Variants in MUC5B observed in about 807,000 individuals in gnomAD.
MUC5B encodes the protein mucin 5B, oligomeric mucus/gel-forming, also known as mucin-5B.
In MUC5B, 116 loss-of-function variants were observed where a neutral mutation model predicts 376.9. The ratio of observed to expected loss-of-function variants is 0.31; its 90% CI spans 0.26 to 0.36. The LOEUF is 0.36. Among genes scored for constraint, MUC5B ranks in the 10% least tolerant of loss-of-function variants. MUC5B has a pLI of 1.00. For synonymous variants in MUC5B, 3,517 were observed against 3,390.9 expected (o/e 1.04, Z -1.29); for missense variants, 7,165 against 7,769.9 (o/e 0.92, Z 2.93).
In MUC5B at chr11:1,251,720, C is replaced by T. The variant is rs746590132; in HGVS notation, c.14840C>T (p.Ala4947Val). 1.1e-5 allele frequency: 18 copies of T among 1,603,582 alleles called. No individual in the cohort carries two copies. The highest frequency in any genetic ancestry group is 1.4e-5 in the Non-Finnish European group (17 of 1,172,916). The part of the protein sequence containing the change: ...SHFSTPCFCR[A>V]FGQFFSPGEV... The stretch of plus-strand genomic sequence containing the variant: ...TTCTCTACTCCCTGCTTCTGCAGGG[C>T]ATTTGGACAGTTTTTCTCGCCCGGT... The change falls in exon 31 of 49, where the codon GCA becomes GTA. Residue 4947 changes from alanine to valine, a missense_variant. This residue lies in a region of MUC5B where 730 missense variants were observed against 592.7 expected (regional missense o/e 1.23). Transcript: ENST00000529681.
chr11:1,236,529 C>T lies in MUC5B; in HGVS notation c.3024C>T (p.Thr1008=). 1.2e-6 allele frequency: 2 copies of T among 1,612,992 alleles called. No individual in the cohort carries two copies. Among genetic ancestry groups the T allele is most frequent in the Non-Finnish European group, 1.7e-6 (2 of 1,179,820 alleles). The change falls in exon 24 of 49, where the codon ACC becomes ACT. Residue 1008 remains threonine, a synonymous_variant. Coordinates refer to ENST00000529681, the MANE Select transcript of MUC5B (RefSeq NM_002458.3). The part of the protein sequence containing the change: ...HGMAVSWDRK[T]SVFIRLHQDY... ...TGGCCGTGTCCTGGGACCGGAAGAC[C>T]AGCGTGTTCATCCGACTGCACCAGG...
Position 1,249,780 on chromosome 11 carries a change from C to T in MUC5B, c.12900C>T (p.Ser4300=), listed in dbSNP as rs1590186872. 3.7e-6 allele frequency: 6 copies of T among 1,613,304 alleles called. No homozygotes were observed. In the African/African-American group the frequency reaches 4.0e-5, roughly 11 times the overall value. ...CCAGTTCCAAAGCCACTTCCTCCTC[C>T]AGTCCAAGGACTGCAACCACCCTTC... ...TATSSKATSS[S]SPRTATTLPV... is the part of the protein sequence containing the mutation. The change falls in exon 31 of 49, where the codon TCC becomes TCT. Residue 4300 remains serine (S), a synonymous_variant. Transcript: ENST00000529681.
chr11:1,233,732 CG>C, intron 18 of MUC5B, 60 bp from the exon 19 acceptor site: 1 of 1,531,246 alleles, frequency 6.5e-7, no homozygotes, highest in Non-Finnish European at 8.9e-7. Context: ...CTCGGAAGCC[CG>C]GGGGTGGGGT....
At position 1,251,471 on chromosome 11, in the gene MUC5B, C is replaced by T. The variant is rs751209696; in HGVS notation, c.14591C>T (p.Thr4864Met). ...IATVMVPTGS[T>M]ATASSTLGTA... Reference sequence around the variant, plus strand: ...ACCGTGATGGTGCCCACCGGTTCCACGGCCACCGCCTCCTCCACTCTGGGA... The same window carrying T: ...ACCGTGATGGTGCCCACCGGTTCCATGGCCACCGCCTCCTCCACTCTGGGA... The change falls in exon 31 of 49, where the codon ACG becomes ATG. Residue 4864 changes from threonine to methionine, a missense_variant. This residue lies in a region of MUC5B where 730 missense variants were observed against 592.7 expected (regional missense o/e 1.23). Coordinates refer to ENST00000529681, the MANE Select transcript of MUC5B (RefSeq NM_002458.3). 28 of 1,612,326 alleles carry T rather than the reference C, an allele frequency of 1.7e-5. No individual in the cohort carries two copies. The highest frequency in any genetic ancestry group is 6.7e-5 in the African/African-American group (5 of 74,902).
At position 1,235,093 on chromosome 11, in the gene MUC5B, G is replaced by C. The variant is rs758158200; in HGVS notation, c.2639G>C (p.Arg880Thr). 4.5e-5 allele frequency: 72 copies of C among 1,610,542 alleles called. No individual in the cohort carries two copies. The South Asian group carries it at 7.7e-4, about 17-fold the overall frequency. Residue 880 changes from arginine (R) to threonine (T), a missense_variant, in exon 22 of 49, where the codon AGG (arginine) becomes ACG (threonine). Arg to Thr is a moderately conservative substitution (Grantham distance 71). This residue lies in a region of MUC5B where 530 missense variants were observed against 604.0 expected (regional missense o/e 0.88). Coordinates refer to ENST00000529681, the MANE Select transcript of MUC5B (RefSeq NM_002458.3). ...ATTGTGGCCCCTTGCAGCACCTGCA[G>C]GAACCGGAGGTGGGAGTGCAGCCAC... ...IRVDCNTCTC[R>T]NRRWECSHRL...
In MUC5B at chr11:1,240,919, C is replaced by A. The variant is rs1371274562; in HGVS notation, c.4039C>A (p.His1347Asn). ...VCRWSSWYNGHRPEPGLGGGD... is the reference protein window; with the variant it reads ...VCRWSSWYNGNRPEPGLGGGD... ...CCGCTGGTCCAGCTGGTACAATGGG[C>A]ACCGCCCAGAGCCCGGCCTGGGAGG... is the stretch of plus-strand genomic sequence containing the variant. Residue 1347 changes from histidine to asparagine, a missense_variant, in exon 31 of 49, where the codon CAC becomes AAC. By Grantham distance (68) the His-to-Asn change is moderately conservative. Around this residue, in one of 31 missense-constraint regions of MUC5B, gnomAD observed 517 missense variants for 545.3 expected, o/e 0.95. Transcript: ENST00000529681. 2.7e-5 allele frequency: 43 copies of A among 1,612,856 alleles called. No individual in the cohort carries two copies. In the Admixed American group the frequency reaches 7.0e-4, roughly 26 times the overall value.
chr11:1,227,276 C>T (rs1320683479), intron 5 of MUC5B, 32 bp from the exon 6 acceptor site: 2 of 1,594,944 alleles, frequency 1.3e-6, no homozygotes, highest in South Asian at 2.2e-5. Flanking sequence ...ATCAGAGGTC[C>T]TGAGGCTGGA....
rs1364579325 is a variant in MUC5B at position 1,250,094 on chromosome 11, C to T, written c.13214C>T (p.Thr4405Ile). Residue 4405 changes from threonine to isoleucine, a missense_variant, in exon 31 of 49, where the codon ACT (threonine) becomes ATT (isoleucine). Coordinates refer to ENST00000529681, the MANE Select transcript of MUC5B (RefSeq NM_002458.3). ...ACAGCAGCCACTACAACTGCAGCCA[C>T]TGGCCCCACGGCCACCCCGTCCTCC... The part of the protein sequence containing the change: ...LTTAATTTAA[T>I]GPTATPSSTP... 13 of 1,595,906 alleles carry T rather than the reference C, an allele frequency of 8.1e-6. No homozygotes were observed. The highest frequency in any genetic ancestry group is 1.7e-4 in the Middle Eastern group (1 of 6,026).
Position 1,236,509 on chromosome 11 carries a change from G to C in MUC5B, c.3004G>C (p.Val1002Leu). 6.2e-7 allele frequency: 1 copy of C among 1,613,086 alleles called. No homozygotes were observed. Among genetic ancestry groups the C allele is most frequent in the Non-Finnish European group, 8.5e-7 (1 of 1,179,816 alleles). The change falls in exon 24 of 49, where the codon GTG becomes CTG. Residue 1002 changes from valine to leucine, a missense_variant. By Grantham distance (32) the Val-to-Leu change is conservative (BLOSUM62 1). Around this residue, in one of 31 missense-constraint regions of MUC5B, gnomAD observed 530 missense variants for 604.0 expected, o/e 0.88. Coordinates refer to ENST00000529681, the MANE Select transcript of MUC5B (RefSeq NM_002458.3). ...FLVIETHGMAVSWDRKTSVFI... is the reference protein window; with the variant it reads ...FLVIETHGMALSWDRKTSVFI... Reference sequence around the variant, plus strand: ...GGTCATCGAGACCCACGGGATGGCCGTGTCCTGGGACCGGAAGACCAGCGT... The same window carrying C: ...GGTCATCGAGACCCACGGGATGGCCCTGTCCTGGGACCGGAAGACCAGCGT...
rs1028994900 is a variant in MUC5B at position 1,243,267 on chromosome 11, T to C, written c.6387T>C (p.Thr2129=). The change falls in exon 31 of 49, where the codon ACT becomes ACC. Residue 2129 remains threonine (T), a synonymous_variant. Coordinates refer to ENST00000529681, the MANE Select transcript of MUC5B (RefSeq NM_002458.3). ...TPSSSTQTSG[T]PPSLTTTATT... is the part of the protein sequence containing the mutation. Reference sequence around the variant, plus strand: ...CCTCTAGCACACAGACCAGTGGTACTCCCCCATCACTGACCACCACGGCCA... The same window carrying C: ...CCTCTAGCACACAGACCAGTGGTACCCCCCCATCACTGACCACCACGGCCA... The C allele has an allele frequency of 3.9e-6, 6 of 1,552,774 alleles. No homozygotes were observed. The African/African-American group carries it at 4.2e-5, about 11-fold the overall frequency.
rs779093623 is a variant in MUC5B at position 1,243,858 on chromosome 11, C to T, written c.6978C>T (p.Tyr2326=). 3.1e-6 allele frequency: 5 copies of T among 1,611,306 alleles called. No individual in the cohort carries two copies. The South Asian group carries it at 3.3e-5, about 11-fold the overall frequency. The change falls in exon 31 of 49, where the codon TAC becomes TAT. Residue 2326 remains tyrosine, a synonymous_variant. Transcript: ENST00000529681. ...GTGCCTGGTCAGAGTGGCTGGACTACAGCTACCCCATGCCGGGGCCCTCTG... is the reference window on the plus strand; with the variant it reads ...GTGCCTGGTCAGAGTGGCTGGACTATAGCTACCCCATGCCGGGGCCCTCTG... ...PQCAWSEWLD[Y]SYPMPGPSGG... is the part of the protein sequence containing the mutation.
chr11:1,234,706 G>T lies in MUC5B; in HGVS notation c.2630+26G>T. The T allele has an allele frequency of 7.0e-7, 1 of 1,430,510 alleles. No individual in the cohort carries two copies. 88.6% of individuals were successfully genotyped at this position (1,430,510 alleles called of 1,614,324 possible). On this transcript the variant is annotated intron_variant, in intron 21 of 48. Transcript: ENST00000529681. This position sits in a 1 kb window ranked among gnomAD's most constrained non-coding sequence, Gnocchi z 6.3. Reference sequence around the variant, plus strand: ...GTGGGTCGTGAGTCTCTCGGAGGCAGCAGGTGGGGAGGGCGGGGGCGGGGA... The same window carrying T: ...GTGGGTCGTGAGTCTCTCGGAGGCATCAGGTGGGGAGGGCGGGGGCGGGGA...
At position 1,260,040 on chromosome 11, in the gene MUC5B, G is replaced by A. The variant is rs372792457; in HGVS notation, c.16878G>A (p.Leu5626=). The stretch of plus-strand genomic sequence containing the variant: ...GTGAGGCTGAGGGTGGAGTCCATTT[G>A]CTGACCCCACAGCCTGCATCCTGCC... ...YLCEAEGGVH[L]LTPQPASCPD... The change falls in exon 46 of 49, where the codon TTG becomes TTA. Residue 5626 remains leucine, a synonymous_variant. Transcript: ENST00000529681. 3.1e-6 allele frequency: 5 copies of A among 1,612,642 alleles called. No homozygotes were observed. Among genetic ancestry groups the A allele is most frequent in the East Asian group, 4.5e-5 (2 of 44,896 alleles).
intron 24 of MUC5B, 51 bp from the exon 25 acceptor site, chr11:1,236,874 G>C (rs981851081): frequency 7.2e-7 from 1 of 1,394,610 alleles, no homozygotes; most frequent in Non-Finnish European, 9.3e-7. Flanking sequence ...TGCCTCCCAC[G>C]GGTGCCTGTG....
chr11:1,239,367 TAGGGGCTGC>T (rs1862226787), intron 26 of MUC5B, 62 bp from the exon 27 acceptor site: 18 of 1,527,766 alleles, frequency 1.2e-5, no homozygotes, highest in Non-Finnish European at 1.6e-5. Flanking sequence ...ACGCCCGGGG[TAGGGGCTGC>T]CCTGCACAAC....
In MUC5B at chr11:1,238,868, C is replaced by A; in HGVS notation, c.3298-3C>A. 1 of 1,552,448 alleles carries A rather than the reference C, an allele frequency of 6.4e-7. No individual in the cohort carries two copies. Among genetic ancestry groups the A allele is most frequent in the Non-Finnish European group, 8.7e-7 (1 of 1,147,146 alleles). On this transcript the variant is annotated splice_region_variant and splice_polypyrimidine_tract_variant and intron_variant, in intron 25 of 48. Transcript: ENST00000529681. Reference sequence around the variant, plus strand: ...CTGAGCTGCACCTTGGCCTCACCCGCAGGTTGACTCCACCAAGTACTACGA... The same window carrying A: ...CTGAGCTGCACCTTGGCCTCACCCGAAGGTTGACTCCACCAAGTACTACGA...
chr11:1,235,407 C>G lies in MUC5B; in HGVS notation c.2874C>G (p.Phe958Leu). 6.2e-7 allele frequency: 1 copy of G among 1,611,694 alleles called. No individual in the cohort carries two copies. The highest frequency in any genetic ancestry group is 8.5e-7 in the Non-Finnish European group (1 of 1,179,488). ...CCTGCTCCAAGGCCATCAAGCTCTT[C>G]GTGGAGGTGAGAACGGCCCCAGCTG... ...GTTCSKAIKL[F>L]VESYELILQE... Residue 958 changes from phenylalanine to leucine, a missense_variant, in exon 23 of 49, where the codon TTC becomes TTG. By Grantham distance (22) the Phe-to-Leu change is conservative. This residue lies in a region of MUC5B where 530 missense variants were observed against 604.0 expected (regional missense o/e 0.88). Coordinates refer to ENST00000529681, the MANE Select transcript of MUC5B (RefSeq NM_002458.3).
chr11:1,236,464 C>G lies in MUC5B; in HGVS notation c.2959C>G (p.Arg987Gly). 6.2e-7 allele frequency: 1 copy of G among 1,613,052 alleles called. No individual in the cohort carries two copies. The highest frequency in any genetic ancestry group is 8.5e-7 in the Non-Finnish European group (1 of 1,179,814). The change falls in exon 24 of 49, where the codon CGC (arginine) becomes GGC (glycine). Residue 987 changes from arginine to glycine, a missense_variant. This residue lies in a region of MUC5B where 530 missense variants were observed against 604.0 expected (regional missense o/e 0.88). Coordinates refer to ENST00000529681, the MANE Select transcript of MUC5B (RefSeq NM_002458.3). Reference sequence around the variant, plus strand: ...GGGTGGGGACCCACCCTACAAGATACGCTACATGGGGATCTTCCTGGTCAT... The same window carrying G: ...GGGTGGGGACCCACCCTACAAGATAGGCTACATGGGGATCTTCCTGGTCAT... ...GPGGDPPYKIRYMGIFLVIET... is the reference protein window; with the variant it reads ...GPGGDPPYKIGYMGIFLVIET...
At position 1,254,893 on chromosome 11, in the gene MUC5B, C is replaced by A. The variant is rs754025926; in HGVS notation, c.15664+13C>A. ...GAGGGCCAGTGCGGTGAGTGGGCGG[C>A]GGGTCCTGCCCCGGCCAGGGCTGCT... On this transcript the variant is annotated intron_variant, in intron 35 of 48. Transcript: ENST00000529681. 29 of 1,588,388 alleles carry A rather than the reference C, an allele frequency of 1.8e-5. No homozygotes were observed. Among genetic ancestry groups the A allele is most frequent in the Admixed American group, 3.4e-5 (2 of 58,136 alleles).
Sources: gnomAD v4.1 joint callset for allele counts on GRCh38, gnomAD v4.1.1 for gene constraint, gnomAD v4.1.1 regional missense constraint, Gnocchi (gnomAD v3.1) non-coding constraint, MANE v1.5 for transcripts, NCBI Gene and HGNC (gene_info 2026-07-23, HGNC 2026-07-21) for gene names.